The following TTN variants were observed in gnomAD, a reference collection of about 807,000 sequenced individuals.
TTN encodes the protein titin, also known as connectin.
Under a neutral mutation model 3,223.0 loss-of-function variants are expected in TTN, and 1,525 were observed. That is an observed-to-expected ratio of 0.47 (90% CI 0.45 to 0.49). TTN has a LOEUF of 0.49. TTN is among the 20% of genes least tolerant of loss of function. TTN has a pLI of 0.00. For synonymous variants in TTN, 14,094 were observed against 15,161.0 expected (o/e 0.93, Z 5.17); for missense variants, 40,786 against 43,424.0 (o/e 0.94, Z 5.40).
chr2:178,633,126 T>G (rs2060007469), intron 233 of TTN, 61 bp downstream of exon 233: 1 of 1,596,790 alleles, frequency 6.3e-7, no homozygotes, highest in Non-Finnish European at 8.5e-7. Context: ...ATTTTATGCC[T>G]TTTTTCACCC....
chr2:178,570,004 C>T lies in TTN; in HGVS notation c.76128G>A (p.Glu25376=). 6.2e-7 allele frequency: 1 copy of T among 1,612,904 alleles called. No homozygotes were observed. Among genetic ancestry groups the T allele is most frequent in the Non-Finnish European group, 8.5e-7 (1 of 1,179,334 alleles). Residue 25376 remains glutamate, a synonymous_variant, in exon 326 of 363, where the codon GAG becomes GAA. Transcript: ENST00000589042. ...CAGCATTCTCAGCAGAAACTCTGAA[C>T]TCATAATCGTGATTTTCTATGAGTC... ...VTGLIENHDY[E]FRVSAENAAG...
intron 15 of TTN, 66 bp downstream of exon 15, chr2:178,785,552 GCT>G: frequency 6.2e-7 from 1 of 1,606,718 alleles, no homozygotes. Flanking sequence ...CCCCAGAGAT[GCT>G]CTGTTTCACA....
intron 85 of TTN, 49 bp from the exon 86 acceptor site, chr2:178,718,270 G>T: frequency 6.3e-7 from 1 of 1,596,420 alleles, no homozygotes; most frequent in Non-Finnish European, 8.5e-7. Context: ...CCATGTAAAA[G>T]AGGATGTTTG....
intron 10 of TTN, 104 bp from the exon 11 acceptor site, chr2:178,790,949 C>A: frequency 1.4e-6 from 2 of 1,389,302 alleles, no homozygotes; most frequent in Non-Finnish European, 2.0e-6. Context: ...TAGTGGTGAA[C>A]GATAAAATGT....
chr2:178,771,620 G>A, intron 33 of TTN, 149 bp from the exon 34 acceptor site: 1 of 1,173,358 alleles, frequency 8.5e-7, no homozygotes, highest in Non-Finnish European at 1.2e-6. Flanking sequence ...ATATTGAGAA[G>A]GTACCAAAGA....
At position 178,609,995 on chromosome 2, in the gene TTN, C is replaced by G; in HGVS notation, c.51437-9G>C. On this transcript the variant is annotated splice_polypyrimidine_tract_variant and intron_variant, in intron 271 of 362. Transcript: ENST00000589042. ...AGGTGGATCAGGGGGTTCTGAAGAA[C>G]AAGAAAAAAATGTTAGTATCAGGAA... 6.2e-7 allele frequency: 1 copy of G among 1,607,768 alleles called. No individual in the cohort carries two copies. The highest frequency in any genetic ancestry group is 8.5e-7 in the Non-Finnish European group (1 of 1,177,960).
In TTN at chr2:178,779,048, C is replaced by T. The variant is rs36021856; in HGVS notation, c.4034G>A (p.Gly1345Asp). 8.3e-3 allele frequency: 13,377 copies of T among 1,613,984 alleles called. 206 individuals are homozygous for T. Among genetic ancestry groups the T allele is most frequent in the Non-Finnish European group, 7.0e-3 (8,256 of 1,179,946 alleles). The stretch of plus-strand genomic sequence containing the variant: ...AACAGGTATACGCAGACTAGCTCTG[C>T]CATCTTGTAGAAAGTCCATTTGGTA... ...ERYQMDFLQD[G>D]RASLRIPVVL... Residue 1345 changes from glycine to aspartate, a missense_variant, in exon 24 of 363, where the codon GGC becomes GAC. Gly to Asp is a moderately conservative substitution (Grantham distance 94). Coordinates refer to ENST00000589042, the MANE Select transcript of TTN (RefSeq NM_001267550.2).
At chr2:178,652,801 G>A (rs750652435) in intron 200 of TTN, 47 bp downstream of exon 200, 3 of 1,605,414 alleles carry the variant, frequency 1.9e-6, no homozygotes, top group Middle Eastern at 1.7e-4. Flanking sequence ...ATATTTTCAA[G>A]AATAGAGGAG....
intron 12 of TTN, among the ~76,000 whole-genome samples, 196 bp downstream of exon 12, chr2:178,789,782 A>G (rs1340600089): frequency 1.3e-5 from 2 of 152,214 alleles, no homozygotes; most frequent in Non-Finnish European, 2.9e-5. Context: ...AAAATGAATT[A>G]TAAATGTTAC....
chr2:178,643,249 AG>A (rs1458451687), intron 218 of TTN, among the ~76,000 whole-genome samples: 1 of 152,026 alleles, frequency 6.6e-6, no homozygotes, highest in Non-Finnish European at 1.5e-5. Flanking sequence ...GCTTTAAACA[AG>A]ATATTTGCAA....
At chr2:178,550,883 C>A in intron 336 of TTN, 84 bp downstream of exon 336, 1 of 1,313,664 alleles carries the variant, frequency 7.6e-7, no homozygotes, top group Non-Finnish European at 1.0e-6. Context: ...GTTTCTGTTA[C>A]CATTTTACAG....
intron 359 of TTN, 23 bp downstream of exon 359, chr2:178,529,937 G>T: frequency 6.3e-7 from 1 of 1,578,508 alleles, no homozygotes; most frequent in Non-Finnish European, 8.5e-7. Flanking sequence ...AAGAAATGTG[G>T]GTAAAAACAA....
rs1436998315 is a variant in TTN, at chr2:178,733,395, G to A, written c.15898C>T (p.Pro5300Ser). 1 of 1,613,750 alleles carries A rather than the reference G, an allele frequency of 6.2e-7. No individual in the cohort carries two copies. The change falls in exon 54 of 363, where the codon CCC (proline) becomes TCC (serine). Residue 5300 changes from proline (P) to serine (S), a missense_variant. Pro to Ser is a moderately conservative substitution (Grantham distance 74). Transcript: ENST00000589042. The stretch of plus-strand genomic sequence containing the variant: ...CGGTATTTTTTACTGGCGACCAAGG[G>A]TCTCCCATCTTTGTACCATTTGGGC... ...LKPKWYKDGR[P>S]LVASKKYRIS...
At position 178,577,506 on chromosome 2, in the gene TTN, T is replaced by C. The variant is rs1313425866; in HGVS notation, c.68829A>G (p.Ala22943=). 6.4e-7 allele frequency: 1 copy of C among 1,574,678 alleles called. No individual in the cohort carries two copies. Among genetic ancestry groups the C allele is most frequent in the East Asian group, 2.3e-5 (1 of 44,220 alleles). The part of the protein sequence containing the change: ...ETIICKDEYE[A]PTIVLDPTIK... ...TTGTGGGATCAAGGACAATTGTTGGTGCCTCTGCAAAGAAAAAAATACATT... is the reference window on the plus strand; with the variant it reads ...TTGTGGGATCAAGGACAATTGTTGGCGCCTCTGCAAAGAAAAAAATACATT... Residue 22943 remains alanine, a synonymous_variant, in exon 324 of 363, where the codon GCA becomes GCG. Coordinates refer to ENST00000589042, the MANE Select transcript of TTN (RefSeq NM_001267550.2).
In TTN at chr2:178,728,988, T is replaced by G. The variant is rs113892821; in HGVS notation, c.19050A>C (p.Gln6350His). 3.7e-6 allele frequency: 6 copies of G among 1,613,130 alleles called. No individual in the cohort carries two copies. Among genetic ancestry groups the G allele is most frequent in the Non-Finnish European group, 5.1e-6 (6 of 1,179,524 alleles). Residue 6350 changes from glutamine to histidine, a missense_variant, in exon 65 of 363, where the codon CAA (glutamine) becomes CAC (histidine). Transcript: ENST00000589042. The part of the protein sequence containing the change: ...ISFVDSVATL[Q>H]IRSVDNGHSG... ...TGTGTCCATTATCCACACTTCTGAT[T>G]TGAAGTGTGGCCACACTGTCCACAA...
Position 178,567,694 on chromosome 2 carries a change from A to G in TTN, c.78438T>C (p.Thr26146=). 1 of 1,611,800 alleles carries G rather than the reference A, an allele frequency of 6.2e-7. No homozygotes were observed. The highest frequency in any genetic ancestry group is 2.2e-5 in the East Asian group (1 of 44,744). ...CAGTAAGACCTGACACAGTAAATTG[A>G]GTTTCAATGACATTTGTAAAGCTAG... The part of the protein sequence containing the change: ...MKASFTNVIE[T]QFTVSGLTED... Residue 26146 remains threonine, a synonymous_variant, in exon 326 of 363, where the codon ACT becomes ACC. Coordinates refer to ENST00000589042, the MANE Select transcript of TTN (RefSeq NM_001267550.2).
Position 178,532,615 on chromosome 2 carries a change from A to G in TTN, c.104000T>C (p.Ile34667Thr), listed in dbSNP as rs727504476. ...TCTTTTCATTGCTAAGTAGTCATCA[A>G]TGGGGAGGAGTAATTCTTCATCAGA... ...DISDEELLLPIDDYLAMKRTE... is the reference protein window; with the variant it reads ...DISDEELLLPTDDYLAMKRTE... Residue 34667 changes from isoleucine to threonine, a missense_variant, in exon 358 of 363, where the codon ATT becomes ACT. Physicochemically the swap from Ile to Thr is moderately conservative, Grantham distance 89. Transcript: ENST00000589042. The G allele has an allele frequency of 4.8e-5, 77 of 1,613,844 alleles. 1 individual carries two copies. Among genetic ancestry groups the G allele is most frequent in the Middle Eastern group, 3.3e-4 (2 of 6,084 alleles).
At position 178,587,361 on chromosome 2, in the gene TTN, G is replaced by A; in HGVS notation, c.63850C>T (p.His21284Tyr). The change falls in exon 307 of 363, where the codon CAT becomes TAT. Residue 21284 changes from histidine (H) to tyrosine (Y), a missense_variant. Transcript: ENST00000589042. ...TTTTCAGGAGGGGCCCAGGACACAT[G>A]GCATGATGTTTTAGTGACATCTGAA... is the stretch of plus-strand genomic sequence containing the variant. ...KVSDVTKTSC[H>Y]VSWAPPENDG... 6.2e-7 allele frequency: 1 copy of A among 1,611,978 alleles called. No individual in the cohort carries two copies. The highest frequency in any genetic ancestry group is 1.1e-5 in the South Asian group (1 of 90,938).
intron 262 of TTN, 34 bp downstream of exon 262, chr2:178,614,018 C>T: frequency 6.2e-7 from 1 of 1,609,152 alleles, no homozygotes. Context: ...ACATAAGCAT[C>T]CTTTTTTTTT....
Sources: gnomAD v4.1 joint callset for allele counts (sites outside exome capture counted in the v4.1 genomes callset) on GRCh38, gnomAD v4.1.1 for gene constraint, MANE v1.5 for transcripts, NCBI Gene and HGNC (gene_info 2026-07-23, HGNC 2026-07-21) for gene names.